The following NIPSNAP3B variants were observed in gnomAD, a reference collection of about 807,000 sequenced individuals.
NIPSNAP3B encodes the protein nipsnap homolog 3B.
In NIPSNAP3B, 30 loss-of-function variants were observed where a neutral mutation model predicts 31.5. The observed-to-expected ratio is 0.95, with a 90% CI of 0.71 to 1.29. The LOEUF (loss-of-function observed/expected upper bound fraction) is 1.29, where lower values mean the gene tolerates loss of function less well. NIPSNAP3B is among the 50% of genes most tolerant of loss of function. The pLI is 0.00. For synonymous variants in NIPSNAP3B, 106 were observed against 107.9 expected (o/e 0.98, Z 0.11); for missense variants, 269 against 300.7 (o/e 0.89, Z 0.78).
chr9:104,770,051 C>CA (rs2118792627), intron 3 of NIPSNAP3B, among the ~76,000 whole-genome samples: 1 of 152,240 alleles, frequency 6.6e-6, no homozygotes, highest in East Asian at 1.9e-4. Flanking sequence ...TTTGAAAAGT[C>CA]TTGTTTGGAT....
the NIPSNAP3B span, among the ~76,000 whole-genome samples, chr9:104,787,497 A>T: frequency 6.6e-6 from 1 of 152,204 alleles, no homozygotes; most frequent in Admixed American, 6.5e-5. Context: ...TCTACAGAAG[A>T]AAAAAGGTCA....
rs1828258898 is a variant in NIPSNAP3B at position 104,773,012 on chromosome 9, A to G, written c.683A>G (p.Asn228Ser). 7 of 1,613,962 alleles carry G rather than the reference A, an allele frequency of 4.3e-6. No individual in the cohort carries two copies. The highest frequency in any genetic ancestry group is 2.7e-5 in the African/African-American group (2 of 74,922). The change falls in exon 6 of 6, where the codon AAC becomes AGC. Residue 228 changes from asparagine to serine, a missense_variant. Transcript: ENST00000374762. The part of the protein sequence containing the change: ...RVVAAVRESV[N>S]YLVSQQNMLL... ...GTTTTTCCAGTTCGGGAAAGTGTCA[A>G]CTACCTAGTTTCTCAGCAGAATATG...
chr9:104,782,665 T>C (rs1239942596), downstream of NIPSNAP3B: 2 of 152,126 alleles, frequency 1.3e-5, no homozygotes, highest in Admixed American at 1.3e-4. Flanking sequence ...GATGAAAAAT[T>C]TGAGACTGTC....
Position 104,775,411 on chromosome 9 carries a change from G to A in NIPSNAP3B, c.*2338G>A, listed in dbSNP as rs779875631. 9.2e-5 allele frequency among the ~76,000 whole-genome samples: 14 copies of A among 151,956 alleles called. No homozygotes were observed. Among genetic ancestry groups the A allele is most frequent in the East Asian group, 7.7e-4 (4 of 5,164 alleles). On this transcript the variant is annotated 3_prime_UTR_variant, in exon 6 of 6. Transcript: ENST00000374762. ...CTCCTTTCTTCTGGGAAGTTTCTTC[G>A]TTTCTCCGAAACACTCACTGCACAA...
the NIPSNAP3B span, chr9:104,784,144 G>T: frequency 1.3e-6 from 1 of 791,528 alleles, no homozygotes; most frequent in Non-Finnish European, 2.0e-6. Flanking sequence ...CCCTGTAATG[G>T]AATTTTGTTT....
chr9:104,785,450 GC>G, the NIPSNAP3B span: 22 of 1,107,914 alleles, frequency 2.0e-5, no homozygotes, highest in Middle Eastern at 2.1e-4. Flanking sequence ...GTCGCTTTTT[GC>G]TCTGGGAGAG....
At chr9:104,785,571 TC>T in the NIPSNAP3B span, 1 of 1,613,694 alleles carries the variant, frequency 6.2e-7, no homozygotes, top group Non-Finnish European at 8.5e-7. Flanking sequence ...TCCAAAGAAA[TC>T]CTGGACAGGC....
In NIPSNAP3B at chr9:104,766,390, T is replaced by C; in HGVS notation, c.126T>C (p.Tyr42=). ...YDGTFYEFRT[Y]YLKPSNMNAF... is the part of the protein sequence containing the mutation. Reference sequence around the variant, plus strand: ...GAACGTTCTATGAATTTCGTACTTATTACCTTAAACCTTCAAATATGAATG... The same window carrying C: ...GAACGTTCTATGAATTTCGTACTTACTACCTTAAACCTTCAAATATGAATG... Residue 42 remains tyrosine (Y), a synonymous_variant, in exon 2 of 6, where the codon TAT becomes TAC. Transcript: ENST00000374762. 1.2e-6 allele frequency: 2 copies of C among 1,613,840 alleles called. No homozygotes were observed. The highest frequency in any genetic ancestry group is 1.7e-6 in the Non-Finnish European group (2 of 1,179,752).
chr9:104,771,274 C>T (rs1828212433), intron 4 of NIPSNAP3B: 1 of 278,024 alleles, frequency 3.6e-6, no homozygotes, highest in East Asian at 7.2e-5. Flanking sequence ...TTAGGTAAAC[C>T]CATGTCATGG....
Position 104,769,029 on chromosome 9 carries a change from C to T in NIPSNAP3B, c.430+8C>T. On this transcript the variant is annotated splice_region_variant and intron_variant, in intron 3 of 5. Transcript: ENST00000374762. Reference sequence around the variant, plus strand: ...AAAAGCCTCCAAAAGAAGGTGAGTTCTTCCCTCTTAGACTATGAGTTTTAA... The same window carrying T: ...AAAAGCCTCCAAAAGAAGGTGAGTTTTTCCCTCTTAGACTATGAGTTTTAA... 1 of 1,610,384 alleles carries T rather than the reference C, an allele frequency of 6.2e-7. No homozygotes were observed. Among genetic ancestry groups the T allele is most frequent in the Middle Eastern group, 1.7e-4 (1 of 6,034 alleles).
In NIPSNAP3B at chr9:104,776,300, G is replaced by C. The variant is rs539258550; in HGVS notation, c.*3227G>C. Among the ~76,000 whole-genome samples, 2 of 152,200 alleles carry C rather than the reference G, an allele frequency of 1.3e-5. No individual in the cohort carries two copies. Among genetic ancestry groups the C allele is most frequent in the South Asian group, 4.2e-4 (2 of 4,812 alleles). On this transcript the variant is annotated 3_prime_UTR_variant, in exon 6 of 6. Coordinates refer to ENST00000374762, the MANE Select transcript of NIPSNAP3B (RefSeq NM_018376.4). The stretch of plus-strand genomic sequence containing the variant: ...CGTGGATCATTTCCATGCCTCCTCA[G>C]GTCTTTGCCCTCATGAAGCCTTCCC...
chr9:104,770,846 T>C lies in NIPSNAP3B; in HGVS notation c.431-3T>C. Reference sequence around the variant, plus strand: ...GAAATAATTATTTTTCTCCCTATTCTAGGAGTCTATGAACTAGCTGTTTTT... The same window carrying C: ...GAAATAATTATTTTTCTCCCTATTCCAGGAGTCTATGAACTAGCTGTTTTT... On this transcript the variant is annotated splice_region_variant and splice_polypyrimidine_tract_variant and intron_variant, in intron 3 of 5. Transcript: ENST00000374762. The C allele has an allele frequency of 6.2e-7, 1 of 1,613,054 alleles. No homozygotes were observed. The highest frequency in any genetic ancestry group is 8.5e-7 in the Non-Finnish European group (1 of 1,179,266).
At chr9:104,786,910 C>T in the NIPSNAP3B span, 4 of 1,614,010 alleles carry the variant, frequency 2.5e-6, no homozygotes, top group East Asian at 2.2e-5. Context: ...CCCTCCTTGA[C>T]AACACTTAGG....
downstream of NIPSNAP3B, chr9:104,781,858 T>C (rs1255539554): frequency 2.6e-5 from 4 of 152,378 alleles, no homozygotes. Context: ...GAGTATAGAG[T>C]TGGTAAAAAT....
chr9:104,786,374 C>T, the NIPSNAP3B span: 1 of 1,614,120 alleles, frequency 6.2e-7, no homozygotes, highest in South Asian at 1.1e-5. Flanking sequence ...GTGCAAAGAG[C>T]TTCACATTCT....
In NIPSNAP3B at chr9:104,768,965, A is replaced by ATT; in HGVS notation, c.374_375insTT (p.Glu125AspfsTer2). 6.2e-7 allele frequency: 1 copy of ATT among 1,614,072 alleles called. No homozygotes were observed. Among genetic ancestry groups the ATT allele is most frequent in the South Asian group, 1.1e-5 (1 of 91,086 alleles). ...AATTTGGCTCGCATTGATAAACAAGAGACGGAAATTACTTACCTGATACCA... is the reference window on the plus strand; with the variant it reads ...AATTTGGCTCGCATTGATAAACAAGATTGACGGAAATTACTTACCTGATACCA... On this transcript the variant is annotated frameshift_variant, in exon 3 of 6. Coordinates refer to ENST00000374762, the MANE Select transcript of NIPSNAP3B (RefSeq NM_018376.4). LOFTEE classifies it high-confidence loss of function.
chr9:104,767,783 T>G (rs1828119862), intron 2 of NIPSNAP3B, among the ~76,000 whole-genome samples: 1 of 152,184 alleles, frequency 6.6e-6, no homozygotes, highest in Non-Finnish European at 1.5e-5. Flanking sequence ...ACAATTCACT[T>G]GTAAGATAGG....
rs530241496 is a variant in NIPSNAP3B, at chr9:104,770,700, G to A, written c.431-149G>A. The A allele has an allele frequency of 5.3e-6, 3 of 567,752 alleles. No homozygotes were observed. In the South Asian group the frequency reaches 9.9e-5, roughly 19 times the overall value. 35.2% of individuals were successfully genotyped at this position (567,752 alleles called of 1,614,324 possible). ...AAACATAAAAGCAAAGAAAAATAAT[G>A]CAGAGAATCAATAAATGTGACTGCA... is the stretch of plus-strand genomic sequence containing the variant. On this transcript the variant is annotated intron_variant, in intron 3 of 5. Coordinates refer to ENST00000374762, the MANE Select transcript of NIPSNAP3B (RefSeq NM_018376.4).
rs977402813 is a variant in NIPSNAP3B at position 104,776,040 on chromosome 9, A to G, written c.*2967A>G. On this transcript the variant is annotated 3_prime_UTR_variant, in exon 6 of 6. Transcript: ENST00000374762. ...AATAATCTAAAATATAAACCAGATC[A>G]TATCACTCCTCTGCTCAACACCCCC... Among the ~76,000 whole-genome samples, 1 of 152,122 alleles carries G rather than the reference A, an allele frequency of 6.6e-6. No homozygotes were observed. The highest frequency in any genetic ancestry group is 6.5e-5 in the Admixed American group (1 of 15,282).
Sources: allele counts gnomAD v4.1 joint callset (sites outside exome capture counted in the v4.1 genomes callset), GRCh38; gene constraint gnomAD v4.1.1; transcripts MANE v1.5; gene names NCBI Gene and HGNC (gene_info 2026-07-23, HGNC 2026-07-21).